NTRK2: variants seen among roughly 807,000 people sequenced by gnomAD.
The protein encoded by NTRK2 is BDNF/NT-3 growth factors receptor.
A neutral mutation model predicts 94.5 loss-of-function variants in NTRK2; 13 were observed. That is an observed-to-expected ratio of 0.14 (90% CI 0.09 to 0.22). NTRK2 has a LOEUF of 0.22. Among genes scored for constraint, NTRK2 ranks in the 10% least tolerant of loss-of-function variants. The pLI is 1.00. For missense variants in NTRK2, 639 were observed against 1,071.2 expected (o/e 0.60, Z 5.63); for synonymous variants, 372 against 407.4 (o/e 0.91, Z 1.05).
At chr9:84,770,965 G>T (rs1187101458) in intron 12 of NTRK2, among the ~76,000 whole-genome samples, 2 of 152,180 alleles carry the variant, frequency 1.3e-5, no homozygotes, top group Non-Finnish European at 2.9e-5. Flanking sequence ...TATCAAGGAG[G>T]CATTCTGGCA....
At chr9:84,814,885 A>G in intron 12 of NTRK2, 1 of 1,062,012 alleles carries the variant, frequency 9.4e-7, no homozygotes, top group South Asian at 4.6e-5. Flanking sequence ...CAAGGAAATT[A>G]GTACAGAAGT....
intron 12 of NTRK2, among the ~76,000 whole-genome samples, chr9:84,802,195 C>T (rs2070553285): frequency 6.6e-6 from 1 of 152,102 alleles, no homozygotes; most frequent in Non-Finnish European, 1.5e-5. Flanking sequence ...TGTCTTAGGT[C>T]TGGTTGATTT....
chr9:84,754,758 T>C (rs2064934253), intron 12 of NTRK2, among the ~76,000 whole-genome samples: 1 of 152,116 alleles, frequency 6.6e-6, no homozygotes, highest in Non-Finnish European at 1.5e-5. Flanking sequence ...TTCCTAAGCA[T>C]CTTTGGGGAG....
intron 2 of NTRK2, among the ~76,000 whole-genome samples, chr9:84,675,692 A>ACCCTGAAT (rs1461154808): frequency 4.6e-5 from 7 of 151,950 alleles, no homozygotes; most frequent in Admixed American, 1.3e-4. Context: ...AAGAAAAAAA[A>ACCCTGAAT]CCCTGAATCT....
chr9:84,842,106 T>A (rs994470836), intron 12 of NTRK2, among the ~76,000 whole-genome samples: 1 of 152,144 alleles, frequency 6.6e-6, no homozygotes, highest in African/African-American at 2.4e-5. Context: ...TCCCTGCTAA[T>A]CCCCTGTTTT....
intron 17 of NTRK2, among the ~76,000 whole-genome samples, chr9:84,974,963 A>G (rs1254561998): frequency 1.3e-5 from 2 of 152,192 alleles, no homozygotes; most frequent in Non-Finnish European, 1.5e-5. Context: ...CACTTGAATG[A>G]GATCAGGATG....
chr9:84,871,975 A>C (rs1425491085), intron 14 of NTRK2: 1 of 1,566,194 alleles, frequency 6.4e-7, no homozygotes, highest in East Asian at 2.3e-5. Context: ...GCCAAGCAAG[A>C]AGTTGCCTTT....
chr9:84,862,026 C>G (rs1003000822), intron 13 of NTRK2, among the ~76,000 whole-genome samples: 4 of 152,202 alleles, frequency 2.6e-5, no homozygotes, highest in African/African-American at 9.6e-5. Context: ...CTATCACTGT[C>G]TGTCCAGTGA....
At chr9:84,741,549 C>T (rs947875806) in intron 9 of NTRK2, among the ~76,000 whole-genome samples, 2 of 152,042 alleles carry the variant, frequency 1.3e-5, no homozygotes, top group Middle Eastern at 3.4e-3. Context: ...ATAAAAATAC[C>T]GAAACTGCAA....
intron 5 of NTRK2, 57 bp from the exon 6 acceptor site, chr9:84,710,580 T>C (rs2061366463): frequency 6.4e-7 from 1 of 1,572,618 alleles, no homozygotes; most frequent in Admixed American, 1.7e-5. Context: ...TTACAAGCAC[T>C]AATGTAGCTA....
chr9:84,673,554 C>T (rs778061011), intron 2 of NTRK2, among the ~76,000 whole-genome samples: 13 of 152,168 alleles, frequency 8.5e-5, no homozygotes, highest in East Asian at 3.9e-4. Context: ...GCTGAAACAA[C>T]GGTTTACCAT....
intron 14 of NTRK2, among the ~76,000 whole-genome samples, chr9:84,879,713 C>T (rs931647049): frequency 6.6e-6 from 1 of 152,198 alleles, no homozygotes; most frequent in Non-Finnish European, 1.5e-5. Context: ...TAGCCCAGTG[C>T]TGCTCATCCT....
At chr9:84,907,776 C>G (rs1374244430) in intron 14 of NTRK2, among the ~76,000 whole-genome samples, 1 of 148,684 alleles carries the variant, frequency 6.7e-6, no homozygotes, top group Non-Finnish European at 1.5e-5. Flanking sequence ...ACTTTAGAGT[C>G]TTGTCCTATG....
intron 14 of NTRK2, among the ~76,000 whole-genome samples, chr9:84,898,201 T>A (rs1399044440): frequency 6.6e-6 from 1 of 152,202 alleles, no homozygotes; most frequent in African/African-American, 2.4e-5. Context: ...AACATCTGAC[T>A]TCTGGGCTTG....
chr9:84,753,534 G>A (rs80002842), intron 12 of NTRK2, among the ~76,000 whole-genome samples: 1 of 152,054 alleles, frequency 6.6e-6, no homozygotes, highest in African/African-American at 2.4e-5. Flanking sequence ...AACATGGGCT[G>A]CCAGGCCCCC....
rs201888268 is a variant in NTRK2 at position 84,867,367 on chromosome 9, G to A, written c.1569G>A (p.Lys523=). 5 of 1,614,032 alleles carry A rather than the reference G, an allele frequency of 3.1e-6. No homozygotes were observed. The Admixed American group carries it at 8.3e-5, about 27-fold the overall frequency. The change falls in exon 14 of 19, where the codon AAG becomes AAA. Residue 523 remains lysine, a synonymous_variant. Coordinates refer to ENST00000277120, the MANE Select transcript of NTRK2 (RefSeq NM_006180.6). The part of the protein sequence containing the change: ...GPDAVIIGMT[K]IPVIENPQYF... ...ATGCTGTCATTATTGGAATGACCAA[G>A]ATCCCTGTCATTGAAAATCCCCAGT...
chr9:84,785,588 G>A (rs574613558), intron 12 of NTRK2, among the ~76,000 whole-genome samples: 81 of 152,260 alleles, frequency 5.3e-4, no homozygotes, highest in Middle Eastern at 3.4e-3. Flanking sequence ...ATTACTCTTG[G>A]CTCATGCTAT....
chr9:84,830,464 C>G (rs745417180), intron 12 of NTRK2, among the ~76,000 whole-genome samples: 1 of 151,974 alleles, frequency 6.6e-6, no homozygotes, highest in East Asian at 1.9e-4. Context: ...TTTCCTGTCT[C>G]CTTATGCTTT....
intron 10 of NTRK2, 121 bp downstream of exon 10, chr9:84,742,048 G>A: frequency 1.2e-6 from 1 of 847,640 alleles, no homozygotes; most frequent in Non-Finnish European, 1.9e-6. Context: ...CATTACATAG[G>A]CCAAAATAGT....
Sources: allele counts gnomAD v4.1 joint callset (sites outside exome capture counted in the v4.1 genomes callset), GRCh38; gene constraint gnomAD v4.1.1; transcripts MANE v1.5; gene names NCBI Gene and HGNC (gene_info 2026-07-23, HGNC 2026-07-21).